Variants in CECR2 observed in about 807,000 individuals in gnomAD.
CECR2 encodes CECR2 histone acetyl-lysine reader.
A neutral mutation model predicts 154.5 loss-of-function variants in CECR2; 30 were observed. That is an observed-to-expected ratio of 0.19 (90% CI 0.15 to 0.26). The LOEUF (loss-of-function observed/expected upper bound fraction) is 0.26. Ranked by LOEUF, CECR2 falls within the 10% of genes least tolerant of loss-of-function variation. CECR2 has a pLI of 1.00. For synonymous variants in CECR2, 725 were observed against 683.7 expected, an observed-to-expected ratio of 1.06 and a Z score of -0.94; for missense variants, 1,743 against 1,829.3, an observed-to-expected ratio of 0.95 and a Z score of 0.86.
At chr22:17,424,980 A>C (rs2146615775) in intron 1 of CECR2, among the ~76,000 whole-genome samples, 1 of 152,384 alleles carries the variant, frequency 6.6e-6, no homozygotes, top group African/African-American at 2.4e-5. Context: ...CTTGTGTTTC[A>C]GAATGATATA....
At chr22:17,497,837 A>G (rs1176292751) in intron 3 of CECR2, among the ~76,000 whole-genome samples, 1 of 152,172 alleles carries the variant, frequency 6.6e-6, no homozygotes, top group African/African-American at 2.4e-5. Context: ...CTTTACGTGC[A>G]CTGAGTCCTA....
At chr22:17,364,853 C>CA (rs1022822242), upstream of CECR2, among the ~76,000 whole-genome samples, 5 of 151,174 alleles carry the variant, frequency 3.3e-5, no homozygotes, top group South Asian at 4.2e-4. Flanking sequence ...AACAAACAAA[C>CA]AAAAAAACAA....
intron 1 of CECR2, among the ~76,000 whole-genome samples, chr22:17,464,270 A>C (rs1307360288): frequency 6.6e-6 from 1 of 152,156 alleles, no homozygotes; most frequent in Non-Finnish European, 1.5e-5. Context: ...GAAATTTCTT[A>C]CTAGTATCAA....
rs1379185960 is a variant in CECR2, at chr22:17,537,181, C to G, written c.1187C>G (p.Ser396Cys). The part of the protein sequence containing the change: ...AQGKELPPEL[S>C]HLDPNSPMRE... ...GGAAAGGAGCTCCCTCCAGAACTTT[C>G]CCATCTGGACCCCAATTCCCCCATG... The change falls in exon 10 of 19, where the codon TCC becomes TGC. Residue 396 changes from serine to cysteine, a missense_variant. This residue lies in a region of CECR2 where 292 missense variants were observed against 301.2 expected (regional missense o/e 0.97). Coordinates refer to ENST00000262608, the MANE Select transcript of CECR2 (RefSeq NM_001290047.2). 1.2e-6 allele frequency: 2 copies of G among 1,613,940 alleles called. No homozygotes were observed. Among genetic ancestry groups the G allele is most frequent in the East Asian group, 2.2e-5 (1 of 44,880 alleles).
chr22:17,478,067 A>G (rs1236881933), intron 2 of CECR2, among the ~76,000 whole-genome samples: 3 of 152,156 alleles, frequency 2.0e-5, no homozygotes. Context: ...TGTTGTTTAC[A>G]TAGCCAGCAG....
At chr22:17,529,163 T>TG (rs1166262486) in intron 9 of CECR2, among the ~76,000 whole-genome samples, 1 of 152,050 alleles carries the variant, frequency 6.6e-6, no homozygotes, top group Admixed American at 6.6e-5. Flanking sequence ...GACCCGTGAG[T>TG]GCCTGAAGCG....
At chr22:17,397,828 TAAATGG>T (rs1223892554) in intron 1 of CECR2, among the ~76,000 whole-genome samples, 1 of 152,180 alleles carries the variant, frequency 6.6e-6, no homozygotes, top group Non-Finnish European at 1.5e-5. Flanking sequence ...TGTTTTAAAA[TAAATGG>T]AAACTTTTAG....
At chr22:17,446,186 T>C (rs2146681380) in intron 1 of CECR2, among the ~76,000 whole-genome samples, 1 of 152,276 alleles carries the variant, frequency 6.6e-6, no homozygotes, top group Non-Finnish European at 1.5e-5. Context: ...AACACTGTTC[T>C]GGAGCAGTAG....
intron 1 of CECR2, among the ~76,000 whole-genome samples, chr22:17,363,696 C>A (rs1187987030): frequency 6.6e-6 from 1 of 152,168 alleles, no homozygotes; most frequent in Non-Finnish European, 1.5e-5. Flanking sequence ...AGTGCAGTAG[C>A]ATGATCTCAG....
chr22:17,550,738 T>G (rs1029884555), intron 17 of CECR2, among the ~76,000 whole-genome samples: 18 of 152,146 alleles, frequency 1.2e-4, no homozygotes, highest in South Asian at 8.3e-4. Flanking sequence ...GTCAGGAGAT[T>G]GAGACCATCC....
intron 1 of CECR2, among the ~76,000 whole-genome samples, chr22:17,424,007 T>G (rs886562801): frequency 3.9e-5 from 6 of 152,244 alleles, no homozygotes; most frequent in Admixed American, 3.3e-4. Context: ...TTTTGTTTTT[T>G]GTCACTCTGC....
At position 17,467,255 on chromosome 22, in the gene CECR2, G is replaced by A. The variant is rs534519267; in HGVS notation, c.127-10333G>A. Among the ~76,000 whole-genome samples, 131 of 152,316 alleles carry A rather than the reference G, an allele frequency of 8.6e-4. 1 individual carries two copies. The highest frequency in any genetic ancestry group is 3.0e-3 in the African/African-American group (124 of 41,582). ...AGCCATAGGAACAAGTCTGATGTCA[G>A]TGATGATGGGCAGCATAATCCTCTT... On this transcript the variant is annotated intron_variant, in intron 1 of 18. Coordinates refer to ENST00000262608, the MANE Select transcript of CECR2 (RefSeq NM_001290047.2).
chr22:17,538,471 A>C, intron 10 of CECR2, 49 bp from the exon 11 acceptor site: 1 of 1,540,360 alleles, frequency 6.5e-7, no homozygotes, highest in Non-Finnish European at 9.0e-7. Flanking sequence ...AGAGCTCAGG[A>C]GAGAAGGTGG....
chr22:17,555,407 T>C lies in CECR2; in HGVS notation c.*2567T>C, dbSNP rs918514121. ...TGTGTGGGAATGTGTCCATGCCTTA[T>C]AGGTACTAGTGCTTCGTCCATTGTC... is the stretch of plus-strand genomic sequence containing the variant. On this transcript the variant is annotated 3_prime_UTR_variant, in exon 19 of 19. Transcript: ENST00000262608. 2 of 152,300 alleles carry C rather than the reference T, an allele frequency of 1.3e-5. No homozygotes were observed. Among genetic ancestry groups the C allele is most frequent in the Non-Finnish European group, 2.9e-5 (2 of 68,122 alleles). The allele number at this position is 152,300 out of a possible 1,614,324, so 9.4% of individuals were successfully genotyped here. A position where few individuals can be genotyped will look rare whatever the true frequency, so the allele number is the denominator to read the frequency against.
intron 2 of CECR2, among the ~76,000 whole-genome samples, chr22:17,488,326 C>A (rs975345121): frequency 4.6e-5 from 7 of 152,078 alleles, no homozygotes; most frequent in South Asian, 4.1e-4. Context: ...CTGTTAAGTA[C>A]GTTCATCGTG....
rs59865611 is a variant in CECR2 at position 17,431,988 on chromosome 22, G to A, written c.127-45600G>A. ...AAACCACTGAGCTTTGTGCCTGTAT[G>A]GATTTTGCCCACTCTTGACATTTCC... is the stretch of plus-strand genomic sequence containing the variant. On this transcript the variant is annotated intron_variant, in intron 1 of 18. Coordinates refer to ENST00000262608, the MANE Select transcript of CECR2 (RefSeq NM_001290047.2). 6.9e-3 allele frequency among the ~76,000 whole-genome samples: 992 copies of A among 144,640 alleles called. 11 individuals carry two copies. Among genetic ancestry groups the A allele is most frequent in the African/African-American group, 0.027 (933 of 34,356 alleles). The allele number at this position is 144,640 out of a possible 152,430, so 94.9% of individuals were successfully genotyped here.
At chr22:17,419,792 C>CA in intron 1 of CECR2, 1 of 290,274 alleles carries the variant, frequency 3.4e-6, no homozygotes. Flanking sequence ...AGGCATTGGT[C>CA]AAAAAATTTG....
rs1555910503 is a variant in CECR2 at position 17,447,033 on chromosome 22, C to CTTTTTTTTTTTT, written c.127-30547_127-30536dup. On this transcript the variant is annotated intron_variant, in intron 1 of 18. Coordinates refer to ENST00000262608, the MANE Select transcript of CECR2 (RefSeq NM_001290047.2). ...GAGTGCTGAGTGGTGCGTTTACAATCTTTTTTTTTTTTTTTTTTTGAGACA... is the reference window on the plus strand; with the variant it reads ...GAGTGCTGAGTGGTGCGTTTACAATCTTTTTTTTTTTTTTTTTTTTTTTTTTTTTTTGAGACA... 1.7e-3 allele frequency among the ~76,000 whole-genome samples: 195 copies of CTTTTTTTTTTTT among 114,078 alleles called. 9 individuals carry two copies. The highest frequency in any genetic ancestry group is 1.9e-3 in the African/African-American group (51 of 26,688). 74.8% of individuals were successfully genotyped at this position (114,078 alleles called of 152,430 possible).
At chr22:17,454,977 G>A (rs539494805) in intron 1 of CECR2, among the ~76,000 whole-genome samples, 23 of 152,304 alleles carry the variant, frequency 1.5e-4, no homozygotes, top group African/African-American at 5.1e-4. Context: ...AACCTGACAC[G>A]TCCACCCTAC....
Sources: allele counts gnomAD v4.1 joint callset (sites outside exome capture counted in the v4.1 genomes callset), GRCh38; gene constraint gnomAD v4.1.1; regional missense constraint gnomAD v4.1.1; transcripts MANE v1.5; gene names NCBI Gene and HGNC (gene_info 2026-07-23, HGNC 2026-07-21).